The following AR variants were observed in gnomAD, a reference collection of about 807,000 sequenced individuals.
The protein encoded by AR is dihydrotestosterone receptor.
A neutral mutation model predicts 53.9 loss-of-function variants in AR; 8 were observed. The ratio of observed to expected loss-of-function variants is 0.15; its 90% confidence interval spans 0.09 to 0.27. AR has a LOEUF of 0.27. Among genes scored for constraint, AR ranks in the 10% least tolerant of loss-of-function variants. AR has a pLI of 1.00. For synonymous variants in AR, 359 were observed against 316.4 expected (o/e 1.13, Z -1.43); for missense variants, 639 against 742.5 (o/e 0.86, Z 1.62).
chrX:67,590,501 A>G lies in AR; in HGVS notation c.1616+43739A>G, dbSNP rs770983611. ...CCTCACAGATATTGATAATAATGAT[A>G]TCTCACTAGGAAGAGAATTAAGTAA... On this transcript the variant is annotated intron_variant, in intron 1 of 7. Transcript: ENST00000374690. Among the ~76,000 whole-genome samples, 148 of 112,281 alleles carry G rather than the reference A, an allele frequency of 1.3e-3. 1 individual carries two copies. The highest frequency in any genetic ancestry group is 4.6e-3 in the African/African-American group (142 of 30,928).
intron 2 of AR, among the ~76,000 whole-genome samples, chrX:67,658,352 G>A (rs1245317104): frequency 1.8e-5 from 2 of 112,277 alleles, no homozygotes; most frequent in African/African-American, 6.5e-5. Flanking sequence ...GGAAAAAGAA[G>A]CAGAGGAAGG....
chrX:67,689,140 A>G (rs1384069102), intron 3 of AR, among the ~76,000 whole-genome samples: 4 of 111,481 alleles, frequency 3.6e-5, no homozygotes, highest in Admixed American at 1.9e-4. Context: ...TTCTGGTGCT[A>G]ACATTTTGTG....
chrX:67,644,096 T>C (rs1468990131), intron 2 of AR, among the ~76,000 whole-genome samples: 1 of 112,464 alleles, frequency 8.9e-6, no homozygotes, highest in Non-Finnish European at 1.9e-5. Flanking sequence ...CCTAGCTCCT[T>C]AGTTTTATTT....
At chrX:67,559,508 T>A (rs1432406176) in intron 1 of AR, among the ~76,000 whole-genome samples, 3 of 112,012 alleles carry the variant, frequency 2.7e-5, no homozygotes, top group African/African-American at 9.7e-5. Flanking sequence ...TAGGCCCCAA[T>A]GTGTTGTGCA....
At chrX:67,553,457 T>G (rs1930070910) in intron 1 of AR, among the ~76,000 whole-genome samples, 3 of 112,045 alleles carry the variant, frequency 2.7e-5, no homozygotes, top group South Asian at 7.4e-4. Context: ...TTATTGTAGG[T>G]TTTTAGTGAG....
intron 1 of AR, among the ~76,000 whole-genome samples, chrX:67,581,214 A>G (rs773647846): frequency 9.0e-6 from 1 of 111,238 alleles, no homozygotes; most frequent in South Asian, 3.8e-4. Context: ...TGGCCCCACA[A>G]CAAATCTTTA....
chrX:67,546,197 G>A lies in AR; in HGVS notation c.1051G>A (p.Gly351Arg). The change falls in exon 1 of 8, where the codon GGA becomes AGA. Residue 351 changes from glycine (G) to arginine (R), a missense_variant. This residue lies in a region of AR where 423 missense variants were observed against 377.0 expected (regional missense o/e 1.12). Coordinates refer to ENST00000374690, the MANE Select transcript of AR (RefSeq NM_000044.6). Reference protein sequence around the residue: ...LPSTLSLYKSGALDEAAAYQS... With the variant: ...LPSTLSLYKSRALDEAAAYQS... ...GTCTACCCTGTCTCTCTACAAGTCCGGAGCACTGGACGAGGCAGCTGCGTA... is the reference window on the plus strand; with the variant it reads ...GTCTACCCTGTCTCTCTACAAGTCCAGAGCACTGGACGAGGCAGCTGCGTA... 17 of 1,211,875 alleles carry A rather than the reference G, an allele frequency of 1.4e-5. No homozygotes were observed. The highest frequency in any genetic ancestry group is 1.9e-5 in the Non-Finnish European group (17 of 895,490).
At chrX:67,687,358 C>G (rs1261931636) in intron 3 of AR, among the ~76,000 whole-genome samples, 1 of 112,115 alleles carries the variant, frequency 8.9e-6, no homozygotes, top group Non-Finnish European at 1.9e-5. Flanking sequence ...GAACAAAGTA[C>G]CTCACATGAA....
intron 2 of AR, among the ~76,000 whole-genome samples, chrX:67,660,105 T>C (rs1429545981): frequency 8.9e-6 from 1 of 112,169 alleles, no homozygotes; most frequent in East Asian, 2.8e-4. Context: ...TTGTAGATTC[T>C]GGATATTACC....
intron 1 of AR, among the ~76,000 whole-genome samples, chrX:67,626,034 G>T (rs994792666): frequency 1.8e-5 from 2 of 111,434 alleles, no homozygotes; most frequent in African/African-American, 6.5e-5. Context: ...GATAAATGAA[G>T]TATCCAGTAC....
At chrX:67,668,524 CT>C (rs35645431) in intron 2 of AR, among the ~76,000 whole-genome samples, 134 of 107,088 alleles carry the variant, frequency 1.3e-3, no homozygotes, top group Admixed American at 2.9e-3. Context: ...TATAGTTTTC[CT>C]TTTTTTTATG....
chrX:67,713,819 A>G (rs2076102792), intron 4 of AR, among the ~76,000 whole-genome samples: 1 of 112,073 alleles, frequency 8.9e-6, no homozygotes, highest in South Asian at 3.7e-4. Flanking sequence ...CAAATCTGCA[A>G]GCCAATATCA....
At chrX:67,637,029 T>G (rs1925468910) in intron 1 of AR, among the ~76,000 whole-genome samples, 1 of 111,927 alleles carries the variant, frequency 8.9e-6, no homozygotes, top group African/African-American at 3.2e-5. Flanking sequence ...TTCAATTAAT[T>G]AGATTGCTTG....
At chrX:67,661,074 A>T (rs989345476) in intron 2 of AR, among the ~76,000 whole-genome samples, 1 of 111,713 alleles carries the variant, frequency 9.0e-6, no homozygotes, top group Non-Finnish European at 1.9e-5. Flanking sequence ...GTATCCTGAG[A>T]CTTTGCTGAA....
At chrX:67,694,807 G>A (rs189240210) in intron 3 of AR, 2 of 1,120,871 alleles carry the variant, frequency 1.8e-6, no homozygotes, top group African/African-American at 1.8e-5. Flanking sequence ...CTGAGGCTTA[G>A]GAGCTTAGGT....
chrX:67,547,129 CTGAG>C (rs1929798229), intron 1 of AR, among the ~76,000 whole-genome samples: 1 of 111,653 alleles, frequency 9.0e-6, no homozygotes, highest in Admixed American at 9.5e-5. Context: ...TCCTCAAAGT[CTGAG>C]AACCTCAACA....
chrX:67,685,903 A>C, intron 2 of AR, 107 bp from the exon 3 acceptor site: 1 of 1,116,220 alleles, frequency 9.0e-7, no homozygotes, highest in Non-Finnish European at 1.2e-6. Flanking sequence ...CACTTTTTTC[A>C]TGTGGTAGGA....
chrX:67,613,256 G>A (rs1412900941), intron 1 of AR, among the ~76,000 whole-genome samples: 5 of 112,008 alleles, frequency 4.5e-5, no homozygotes, highest in Non-Finnish European at 9.4e-5. Flanking sequence ...GGAGTCACTC[G>A]TCACTGTCCC....
chrX:67,650,108 C>T (rs913695426), intron 2 of AR, among the ~76,000 whole-genome samples: 1 of 111,858 alleles, frequency 8.9e-6, no homozygotes, highest in African/African-American at 3.2e-5. Flanking sequence ...TAGGAACAAT[C>T]AATATCGTGA....
Sources: gnomAD v4.1 joint callset for allele counts (sites outside exome capture counted in the v4.1 genomes callset) on GRCh38, gnomAD v4.1.1 for gene constraint, gnomAD v4.1.1 regional missense constraint, MANE v1.5 for transcripts, NCBI Gene and HGNC (gene_info 2026-07-23, HGNC 2026-07-21) for gene names.